The following WDR3 variants were observed in gnomAD, a reference collection of about 807,000 sequenced individuals.
The protein encoded by WDR3 is WD repeat-containing protein 3.
A neutral mutation model predicts 123.7 loss-of-function variants in WDR3; 81 were observed. The ratio of observed to expected loss-of-function variants is 0.65; its 90% CI spans 0.55 to 0.79. The LOEUF (loss-of-function observed/expected upper bound fraction) is 0.79, where lower values mean the gene tolerates loss of function less well. Ranked by LOEUF, WDR3 falls within the 30% of genes least tolerant of loss-of-function variation. WDR3 has a pLI of 0.00. For missense variants in WDR3, 1,027 were observed against 1,123.2 expected, an observed-to-expected ratio of 0.91 and a Z score of 1.22; for synonymous variants, 390 against 388.8, an observed-to-expected ratio of 1.00 and a Z score of -0.04.
rs1651553847 is a variant in WDR3 at position 117,950,057 on chromosome 1, C to T, written c.1673C>T (p.Ser558Phe). Residue 558 changes from serine (S) to phenylalanine (F), a missense_variant, in exon 15 of 27, where the codon TCT (serine) becomes TTT (phenylalanine). Ser to Phe is a radical substitution (Grantham distance 155). Transcript: ENST00000349139. ...LDEDVLCVSY[S>F]PNQKLLAVSL... ...GAAGATGTTCTGTGTGTCAGTTACT[C>T]TCCCAATCAAAAGCTATTGGCTGTG... 6.2e-7 allele frequency: 1 copy of T among 1,613,842 alleles called. No individual in the cohort carries two copies. Among genetic ancestry groups the T allele is most frequent in the Non-Finnish European group, 8.5e-7 (1 of 1,179,938 alleles).
chr1:117,959,025 T>G (rs1166479314), intron 26 of WDR3, 22 bp downstream of exon 26: 8 of 1,608,974 alleles, frequency 5.0e-6, no homozygotes, highest in Non-Finnish European at 6.8e-6. Flanking sequence ...TGTATAGAGA[T>G]AAAATAATGA....
chr1:117,958,989 G>A lies in WDR3; in HGVS notation c.2662G>A (p.Val888Ile). 6.2e-7 allele frequency: 1 copy of A among 1,613,906 alleles called. No individual in the cohort carries two copies. Among genetic ancestry groups the A allele is most frequent in the Non-Finnish European group, 8.5e-7 (1 of 1,179,870 alleles). ...ATTAAGGGAAACAACTATTTCAAAA[G>A]TCAGCCAAGTCCGGGTAAGTGTCTT... The part of the protein sequence containing the change: ...EKLRETTISK[V>I]SQVRDVIGFN... Residue 888 changes from valine (V) to isoleucine (I), a missense_variant, in exon 26 of 27, where the codon GTC (valine) becomes ATC (isoleucine). By Grantham distance (29) the Val-to-Ile change is conservative. Coordinates refer to ENST00000349139, the MANE Select transcript of WDR3 (RefSeq NM_006784.3).
chr1:117,932,524 T>C (rs536735152), intron 1 of WDR3, among the ~76,000 whole-genome samples: 1 of 152,326 alleles, frequency 6.6e-6, no homozygotes, highest in South Asian at 2.1e-4. Flanking sequence ...TACAAGAAGG[T>C]AAGTACCATG....
chr1:117,962,481 G>C lies in WDR3; in HGVS notation c.*3034G>C, dbSNP rs1653232111. 1 of 151,202 alleles carries C rather than the reference G, an allele frequency of 6.6e-6. No individual in the cohort carries two copies. The highest frequency in any genetic ancestry group is 6.6e-5 in the Admixed American group (1 of 15,162). The allele number at this position is 151,202 out of a possible 1,614,324, so 9.4% of individuals were successfully genotyped here. A position where few individuals can be genotyped will look rare whatever the true frequency, so the allele number is the denominator to read the frequency against. ...GTAGTACCATAAAGAAAAGCCTTTTGAGATTGCAGTGAGCTGAGATTGTGC... is the reference window on the plus strand; with the variant it reads ...GTAGTACCATAAAGAAAAGCCTTTTCAGATTGCAGTGAGCTGAGATTGTGC... On this transcript the variant is annotated 3_prime_UTR_variant, in exon 27 of 27. Coordinates refer to ENST00000349139, the MANE Select transcript of WDR3 (RefSeq NM_006784.3).
At chr1:117,959,175 TA>T in intron 26 of WDR3, 116 bp from the exon 27 acceptor site, 1 of 1,392,748 alleles carries the variant, frequency 7.2e-7, no homozygotes, top group Non-Finnish European at 9.7e-7. Context: ...GAAAAGTTCT[TA>T]ATGAGGGAAA....
chr1:117,934,340 G>A, intron 2 of WDR3, 133 bp from the exon 3 acceptor site: 1 of 808,530 alleles, frequency 1.2e-6, no homozygotes, highest in South Asian at 1.8e-5. Context: ...GGATTGTGGA[G>A]TTTCATTTTT....
rs904393839 is a variant in WDR3, at chr1:117,940,777, C to T, written c.676-50C>T. 5 of 1,475,174 alleles carry T rather than the reference C, an allele frequency of 3.4e-6. No individual in the cohort carries two copies. The African/African-American group carries it at 5.7e-5, about 17-fold the overall frequency. 91.4% of individuals were successfully genotyped at this position (1,475,174 alleles called of 1,614,324 possible). A position where few individuals can be genotyped will look rare whatever the true frequency, so the allele number is the denominator to read the frequency against. On this transcript the variant is annotated intron_variant, in intron 6 of 26. Coordinates refer to ENST00000349139, the MANE Select transcript of WDR3 (RefSeq NM_006784.3). ...AACAACAACAACAACAACAACATGC[C>T]TCCTGGAACATACTATTTCAGCTTT...
rs779698066 is a variant in WDR3, at chr1:117,943,484, C to T, written c.1186C>T (p.Pro396Ser). 2 of 1,614,054 alleles carry T rather than the reference C, an allele frequency of 1.2e-6. No individual in the cohort carries two copies. Among genetic ancestry groups the T allele is most frequent in the South Asian group, 1.1e-5 (1 of 91,080 alleles). The change falls in exon 11 of 27, where the codon CCA (proline) becomes TCA (serine). Residue 396 changes from proline to serine, a missense_variant. Transcript: ENST00000349139. ...NNLVELYSLN[P>S]SLPTPQPVRT... The stretch of plus-strand genomic sequence containing the variant: ...CCTGGTGGAATTGTATTCACTGAAT[C>T]CATCCTTGCCTACTCCTCAGCCTGT...
intron 9 of WDR3, 57 bp from the exon 10 acceptor site, chr1:117,942,380 G>T: frequency 1.3e-6 from 2 of 1,506,640 alleles, no homozygotes; most frequent in South Asian, 2.3e-5. Flanking sequence ...ACTCAAGTAA[G>T]AGCAAAGCTG....
Position 117,952,582 on chromosome 1 carries a change from G to T in WDR3, c.2071G>T (p.Val691Leu), listed in dbSNP as rs1651667974. ...TGTAAGCCCCAGTGGAGACTATGTT[G>T]TATCATCGTCCCATGACAAATCTCT... ...LAVSPSGDYVVSSSHDKSLRL... is the reference protein window; with the variant it reads ...LAVSPSGDYVLSSSHDKSLRL... Residue 691 changes from valine (V) to leucine (L), a missense_variant, in exon 19 of 27, where the codon GTA becomes TTA. By Grantham distance (32) the Val-to-Leu change is conservative (BLOSUM62 1). Transcript: ENST00000349139. 1 of 1,613,440 alleles carries T rather than the reference G, an allele frequency of 6.2e-7. No individual in the cohort carries two copies. Among genetic ancestry groups the T allele is most frequent in the Admixed American group, 1.7e-5 (1 of 59,966 alleles).
At chr1:117,959,178 T>C (rs1652663995) in intron 26 of WDR3, 114 bp from the exon 27 acceptor site, 1 of 1,401,514 alleles carries the variant, frequency 7.1e-7, no homozygotes. Flanking sequence ...AAGTTCTTAA[T>C]GAGGGAAAGA....
At position 117,952,538 on chromosome 1, in the gene WDR3, A is replaced by G. The variant is rs775015505; in HGVS notation, c.2027A>G (p.Gln676Arg). 1.9e-6 allele frequency: 3 copies of G among 1,610,572 alleles called. No individual in the cohort carries two copies. The highest frequency in any genetic ancestry group is 2.5e-6 in the Non-Finnish European group (3 of 1,178,882). The change falls in exon 19 of 27, where the codon CAG (glutamine) becomes CGG (arginine). Residue 676 changes from glutamine to arginine, a missense_variant. Coordinates refer to ENST00000349139, the MANE Select transcript of WDR3 (RefSeq NM_006784.3). ...TTTTTTCTCCTCCAGGGTCATCACC[A>G]GGAAATATGGTGTTTGGCTGTAAGC... Reference protein sequence around the residue: ...EHIQTLEGHHQEIWCLAVSPS... With the variant: ...EHIQTLEGHHREIWCLAVSPS...
intron 6 of WDR3, among the ~76,000 whole-genome samples, chr1:117,939,841 G>A: frequency 6.6e-6 from 1 of 152,244 alleles, no homozygotes. Flanking sequence ...GGACCTTTGG[G>A]TGTCCATGGA....
At chr1:117,944,977 G>GCCA (rs1189914525) in intron 11 of WDR3, among the ~76,000 whole-genome samples, 1 of 152,180 alleles carries the variant, frequency 6.6e-6, no homozygotes, top group Admixed American at 6.5e-5. Flanking sequence ...ACAGGCATGA[G>GCCA]CCACCGCACC....
chr1:117,938,593 G>GAAATCAGCATCTTCAA, intron 5 of WDR3, 35 bp downstream of exon 5: 1 of 1,587,392 alleles, frequency 6.3e-7, no homozygotes, highest in Non-Finnish European at 8.6e-7. Context: ...GGAAATAATG[G>GAAATCAGCATCTTCAA]GAAGGCAAAA....
At chr1:117,943,710 C>T (rs1651267134) in intron 11 of WDR3, 84 bp downstream of exon 11, 3 of 1,145,418 alleles carry the variant, frequency 2.6e-6, no homozygotes, top group South Asian at 1.5e-5. Flanking sequence ...TAGTTATTAA[C>T]TCCTTAAGGC....
intron 11 of WDR3, among the ~76,000 whole-genome samples, chr1:117,945,629 C>T (rs1225705876): frequency 2.6e-5 from 4 of 152,192 alleles, no homozygotes; most frequent in Non-Finnish European, 5.9e-5. Flanking sequence ...ACTGTTGTAT[C>T]TCCAGCACCT....
intron 3 of WDR3, among the ~76,000 whole-genome samples, chr1:117,936,058 TTAAAA>T (rs1650931664): frequency 6.6e-6 from 1 of 151,964 alleles, no homozygotes; most frequent in Non-Finnish European, 1.5e-5. Flanking sequence ...AAAATGTAAA[TTAAAA>T]TAAATATTAA....
intron 6 of WDR3, 115 bp downstream of exon 6, chr1:117,939,687 C>A: frequency 2.1e-6 from 2 of 973,316 alleles, no homozygotes; most frequent in Non-Finnish European, 1.6e-6. Context: ...AATTCTATCA[C>A]ACCAATAACC....
Sources: gnomAD v4.1 joint callset for allele counts (sites outside exome capture counted in the v4.1 genomes callset) on GRCh38, gnomAD v4.1.1 for gene constraint, MANE v1.5 for transcripts, NCBI Gene and HGNC (gene_info 2026-07-23, HGNC 2026-07-21) for gene names.